Variants in ATRX observed in about 807,000 individuals in gnomAD.
ATRX encodes chromatin remodeler ATRX.
ATRX carries 12 observed loss-of-function variants against 172.6 expected under a neutral mutation model. That is an observed-to-expected ratio of 0.07 (90% CI 0.04 to 0.11). The LOEUF (loss-of-function observed/expected upper bound fraction) is 0.11. Ranked by LOEUF, ATRX falls within the 10% of genes least tolerant of loss-of-function variation. The pLI is 1.00. For missense variants in ATRX, 1,368 were observed against 1,767.4 expected (o/e 0.77, Z 4.05); for synonymous variants, 674 against 594.7 (o/e 1.13, Z -1.94).
At chrX:77,585,846 T>A (rs1234777327) in intron 27 of ATRX, among the ~76,000 whole-genome samples, 1 of 110,083 alleles carries the variant, frequency 9.1e-6, no homozygotes, top group African/African-American at 3.3e-5. Flanking sequence ...TACAACAACA[T>A]GGATGGAACT....
intron 1 of ATRX, among the ~76,000 whole-genome samples, chrX:77,733,706 T>TAA (rs1244088795): frequency 0.027 from 885 of 33,044 alleles, 26 homozygotes; most frequent in Non-Finnish European, 0.037. Context: ...CCATCTATGC[T>TAA]AAAAAAAAAA....
At chrX:77,664,165 A>G (rs958621746) in intron 11 of ATRX, among the ~76,000 whole-genome samples, 2 of 112,247 alleles carry the variant, frequency 1.8e-5, no homozygotes, top group African/African-American at 6.5e-5. Flanking sequence ...AACTTCCATA[A>G]TTATTACAAG....
In ATRX at chrX:77,716,724, C is replaced by T. The variant is rs782093482; in HGVS notation, c.133+407G>A. On this transcript the variant is annotated intron_variant, in intron 2 of 34. Transcript: ENST00000373344. ...TGCCATTGAACTCCAGACTGGGTGA[C>T]AGAGCGAGACTCCATCACAAAAATA... Among the ~76,000 whole-genome samples the T allele has an allele frequency of 5.4e-5, 6 of 111,296 alleles. No homozygotes were observed. In the South Asian group the frequency reaches 2.2e-3, roughly 42 times the overall value.
chrX:77,747,496 C>A (rs2075130027), intron 1 of ATRX, among the ~76,000 whole-genome samples: 1 of 111,415 alleles, frequency 9.0e-6, no homozygotes, highest in Non-Finnish European at 1.9e-5. Flanking sequence ...TGCACTCCAG[C>A]CTGAGCTATA....
At chrX:77,642,749 T>TA (rs2068718918) in intron 15 of ATRX, among the ~76,000 whole-genome samples, 1 of 111,638 alleles carries the variant, frequency 9.0e-6, no homozygotes, top group Non-Finnish European at 1.9e-5. Context: ...AACTATTTTG[T>TA]AAACAAGTAG....
chrX:77,508,512 T>G lies in ATRX; in HGVS notation c.7318A>C (p.Lys2440Gln). 3 of 1,211,763 alleles carry G rather than the reference T, an allele frequency of 2.5e-6. No individual in the cohort carries two copies. The highest frequency in any genetic ancestry group is 3.3e-6 in the Non-Finnish European group (3 of 895,553). ...GGATTCATGATCAAATTTGGGGGCT[T>G]TGGCATCATGAGGTGACCCAGTGTT... Reference protein sequence around the residue: ...QATLGHLMMPKPPNLIMNPSN... With the variant: ...QATLGHLMMPQPPNLIMNPSN... Residue 2440 changes from lysine to glutamine, a missense_variant, in exon 35 of 35, where the codon AAG becomes CAG. Lys to Gln is a moderately conservative substitution (Grantham distance 53). Around this residue, in one of 17 missense-constraint regions of ATRX, gnomAD observed 100 missense variants for 153.9 expected, o/e 0.65. Transcript: ENST00000373344.
chrX:77,725,639 A>G (rs1185511109), intron 1 of ATRX, among the ~76,000 whole-genome samples: 8 of 111,979 alleles, frequency 7.1e-5, no homozygotes, highest in Non-Finnish European at 1.1e-4. Context: ...AATTAAACTC[A>G]AGAGCTTCTG....
At chrX:77,652,436 G>T (rs2069298358) in intron 14 of ATRX, 83 bp from the exon 15 acceptor site, 1 of 909,404 alleles carries the variant, frequency 1.1e-6, no homozygotes. Flanking sequence ...AACACAGCAG[G>T]AAAAGGTGGA....
chrX:77,559,572 C>A (rs1254987493), intron 28 of ATRX, among the ~76,000 whole-genome samples: 5 of 104,672 alleles, frequency 4.8e-5, no homozygotes, highest in African/African-American at 1.7e-4. Flanking sequence ...GATTCTCCTG[C>A]CTCAGCCTCC....
chrX:77,630,272 T>C (rs1281198806), intron 19 of ATRX, among the ~76,000 whole-genome samples: 1 of 112,020 alleles, frequency 8.9e-6, no homozygotes, highest in East Asian at 2.8e-4. Flanking sequence ...AAATTAGATG[T>C]TCATGGAGGG....
At chrX:77,735,216 G>A (rs1222692864) in intron 1 of ATRX, among the ~76,000 whole-genome samples, 2 of 112,052 alleles carry the variant, frequency 1.8e-5, no homozygotes, top group African/African-American at 6.5e-5. Context: ...AATCTCAGCA[G>A]TTTGGGAGGC....
chrX:77,739,407 A>G (rs1557180928), intron 1 of ATRX, among the ~76,000 whole-genome samples: 1 of 108,309 alleles, frequency 9.2e-6, no homozygotes, highest in Non-Finnish European at 1.9e-5. Flanking sequence ...ATAATCAGAT[A>G]TATATATATC....
intron 1 of ATRX, among the ~76,000 whole-genome samples, chrX:77,758,714 C>T (rs1024361326): frequency 1.2e-4 from 13 of 110,506 alleles, no homozygotes; most frequent in Admixed American, 1.1e-3. Context: ...GCCGAGATCA[C>T]GCCACTGCAC....
chrX:77,547,489 A>G (rs892296883), intron 30 of ATRX, among the ~76,000 whole-genome samples: 5 of 111,982 alleles, frequency 4.5e-5, no homozygotes, highest in Non-Finnish European at 7.5e-5. Context: ...ACAATAAAAA[A>G]TAAGACAAAA....
rs1317388411 is a variant in ATRX, at chrX:77,683,713, T to C, written c.1543A>G (p.Met515Val). 4.1e-6 allele frequency: 5 copies of C among 1,211,493 alleles called. No individual in the cohort carries two copies. The highest frequency in any genetic ancestry group is 3.0e-5 in the East Asian group (1 of 33,818). ...EPANTSEDLD[M>V]DIVSVPSSVP... ...GAGGAAGGAACAGACACAATATCCA[T>C]GTCTAAATCTTCAGAAGTGTTGGCA... is the stretch of plus-strand genomic sequence containing the variant. Residue 515 changes from methionine to valine, a missense_variant, in exon 9 of 35, where the codon ATG becomes GTG. Physicochemically the swap from Met to Val is conservative, Grantham distance 21. Around this residue, in one of 17 missense-constraint regions of ATRX, gnomAD observed 843 missense variants for 643.1 expected, o/e 1.31. Transcript: ENST00000373344.
intron 27 of ATRX, among the ~76,000 whole-genome samples, chrX:77,582,126 G>A (rs376747774): frequency 9.0e-6 from 1 of 111,598 alleles, no homozygotes; most frequent in South Asian, 3.8e-4. Context: ...GAGGCTGGTC[G>A]CGGTGGCTCA....
chrX:77,566,650 C>T (rs1242894075), intron 28 of ATRX, among the ~76,000 whole-genome samples: 6 of 110,827 alleles, frequency 5.4e-5, no homozygotes, highest in South Asian at 3.8e-4. Context: ...CTACTTGGGA[C>T]GCTGAGGTGG....
At chrX:77,641,978 G>T (rs782594822) in intron 15 of ATRX, among the ~76,000 whole-genome samples, 1 of 112,072 alleles carries the variant, frequency 8.9e-6, no homozygotes, top group South Asian at 3.7e-4. Context: ...AAGGTGTGAG[G>T]ATCACTTGAG....
intron 30 of ATRX, among the ~76,000 whole-genome samples, chrX:77,543,285 A>G (rs1434822679): frequency 3.6e-5 from 4 of 112,144 alleles, no homozygotes; most frequent in Non-Finnish European, 3.8e-5. Context: ...TAGAATGGCG[A>G]TCTTTAAAAA....
Sources: gnomAD v4.1 joint callset for allele counts (sites outside exome capture counted in the v4.1 genomes callset) on GRCh38, gnomAD v4.1.1 for gene constraint, gnomAD v4.1.1 regional missense constraint, MANE v1.5 for transcripts, NCBI Gene and HGNC (gene_info 2026-07-23, HGNC 2026-07-21) for gene names.